Variants in SLC6A15 observed in about 807,000 individuals in gnomAD.
SLC6A15 encodes the protein solute carrier family 6 member 15, also known as sodium-dependent neutral amino acid transporter B(0)AT2.
SLC6A15 carries 33 observed loss-of-function variants against 68.5 expected under a neutral mutation model. The ratio of observed to expected loss-of-function variants is 0.48; its 90% CI spans 0.37 to 0.64. The LOEUF (loss-of-function observed/expected upper bound fraction) is 0.64. SLC6A15 is among the 30% of genes least tolerant of loss of function. The pLI is 0.00. For synonymous variants in SLC6A15, 347 were observed against 301.0 expected (o/e 1.15, Z -1.58); for missense variants, 747 against 874.3 (o/e 0.85, Z 1.84).
At chr12:84,908,260 TAA>T (rs1201695181) in intron 1 of SLC6A15, among the ~76,000 whole-genome samples, 1 of 152,104 alleles carries the variant, frequency 6.6e-6, no homozygotes, top group Non-Finnish European at 1.5e-5. Flanking sequence ...ATCTCAAAAT[TAA>T]GACTTTTTTT....
intron 1 of SLC6A15, among the ~76,000 whole-genome samples, chr12:84,906,417 T>C (rs1313590876): frequency 1.3e-5 from 2 of 152,174 alleles, no homozygotes; most frequent in Non-Finnish European, 2.9e-5. Context: ...AGTGACATTT[T>C]TCTACAAAGA....
intron 1 of SLC6A15, among the ~76,000 whole-genome samples, chr12:84,897,812 T>G (rs1415486775): frequency 6.6e-6 from 1 of 152,016 alleles, no homozygotes; most frequent in East Asian, 1.9e-4. Flanking sequence ...ATCATAAAAT[T>G]TAGCCAAACA....
chr12:84,909,800 C>T (rs1419203363), intron 1 of SLC6A15, among the ~76,000 whole-genome samples: 1 of 152,110 alleles, frequency 6.6e-6, no homozygotes, highest in Non-Finnish European at 1.5e-5. Flanking sequence ...TTTGGGTCTG[C>T]TATTCTAAGT....
At chr12:84,866,128 G>T (rs143233017) in intron 10 of SLC6A15, among the ~76,000 whole-genome samples, 42 of 152,234 alleles carry the variant, frequency 2.8e-4, no homozygotes, top group Non-Finnish European at 5.1e-4. Context: ...TCTTTATGCT[G>T]CTTAAAAGGA....
chr12:84,894,655 C>T (rs1872559440), intron 1 of SLC6A15, among the ~76,000 whole-genome samples: 1 of 152,034 alleles, frequency 6.6e-6, no homozygotes, highest in Non-Finnish European at 1.5e-5. Flanking sequence ...AAAAAATACA[C>T]ACACAAAAAT....
At chr12:84,908,445 C>CT (rs1420192689) in intron 1 of SLC6A15, among the ~76,000 whole-genome samples, 2 of 151,692 alleles carry the variant, frequency 1.3e-5, no homozygotes, top group African/African-American at 4.8e-5. Context: ...TACTCATTGA[C>CT]TTTTGTACCT....
chr12:84,908,508 T>C (rs1704849981), intron 1 of SLC6A15, among the ~76,000 whole-genome samples: 2 of 151,434 alleles, frequency 1.3e-5, no homozygotes. Flanking sequence ...AAGGTGTTTA[T>C]TTGCCTCTGT....
rs530182337 is a variant in SLC6A15, at chr12:84,894,472, T to C, written c.-188-2164A>G. On this transcript the variant is annotated intron_variant, in intron 1 of 11. Coordinates refer to ENST00000266682, the MANE Select transcript of SLC6A15 (RefSeq NM_182767.6). ...ACTTTGGTTTCTTATTCCTTTTGCT[T>C]TTTCCATACAGACAGAAAAGTAAGG... 1.3e-3 allele frequency among the ~76,000 whole-genome samples: 199 copies of C among 152,160 alleles called. 1 individual carries two copies. The highest frequency in any genetic ancestry group is 2.0e-3 in the Non-Finnish European group (138 of 67,942).
chr12:84,896,005 G>T (rs1872621419), intron 1 of SLC6A15, among the ~76,000 whole-genome samples: 1 of 152,182 alleles, frequency 6.6e-6, no homozygotes, highest in Non-Finnish European at 1.5e-5. Context: ...TGTCCAGGAA[G>T]AGAGATAGAG....
At chr12:84,896,264 C>T (rs1170353243) in intron 1 of SLC6A15, among the ~76,000 whole-genome samples, 1 of 151,898 alleles carries the variant, frequency 6.6e-6, no homozygotes, top group Non-Finnish European at 1.5e-5. Context: ...GCTCATGGGC[C>T]AAATACAACC....
intron 5 of SLC6A15, chr12:84,882,358 T>C (rs1871858946): frequency 1.0e-6 from 1 of 982,786 alleles, no homozygotes; most frequent in South Asian, 4.7e-5. Context: ...TTTAGTCATA[T>C]AATACAATAA....
At chr12:84,862,298 T>G (rs575207821) in intron 11 of SLC6A15, among the ~76,000 whole-genome samples, 130 of 152,264 alleles carry the variant, frequency 8.5e-4, no homozygotes, top group African/African-American at 2.9e-3. Context: ...TGAATGCAAC[T>G]GCTTGAGTTA....
intron 1 of SLC6A15, among the ~76,000 whole-genome samples, chr12:84,902,369 A>G (rs1161851268): frequency 6.6e-6 from 1 of 152,072 alleles, no homozygotes; most frequent in Non-Finnish European, 1.5e-5. Context: ...AATATTGGTG[A>G]GGACATGTAG....
At chr12:84,862,563 G>C (rs919187977) in intron 11 of SLC6A15, among the ~76,000 whole-genome samples, 1 of 152,022 alleles carries the variant, frequency 6.6e-6, no homozygotes, top group African/African-American at 2.4e-5. Flanking sequence ...ATAGTTAAAG[G>C]TCAGAAGTAT....
chr12:84,880,930 C>T, intron 5 of SLC6A15: 1 of 968,632 alleles, frequency 1.0e-6, no homozygotes, highest in Non-Finnish European at 1.2e-6. Flanking sequence ...CAGTTTTAGC[C>T]CTGTCTATCA....
chr12:84,883,151 GAAAAAA>G (rs60034973), intron 5 of SLC6A15: 3 of 886,908 alleles, frequency 3.4e-6, no homozygotes, highest in African/African-American at 4.1e-5. Context: ...CTGTGATAAT[GAAAAAA>G]AAAAAAAAAA....
intron 5 of SLC6A15, chr12:84,881,397 A>C (rs1276878379): frequency 3.2e-6 from 3 of 952,022 alleles, no homozygotes; most frequent in East Asian, 1.2e-4. Context: ...CACACAAAGC[A>C]GCCCTATTCT....
At chr12:84,870,421 A>G in intron 9 of SLC6A15, 57 bp downstream of exon 9, 1 of 1,270,180 alleles carries the variant, frequency 7.9e-7, no homozygotes, top group Non-Finnish European at 1.1e-6. Flanking sequence ...CTAATCTTTC[A>G]CCAAGAATAA....
intron 2 of SLC6A15, among the ~76,000 whole-genome samples, chr12:84,889,463 C>T (rs1872281923): frequency 6.6e-6 from 1 of 150,676 alleles, no homozygotes; most frequent in South Asian, 2.1e-4. Flanking sequence ...CACTGAACTC[C>T]AGGCTGGGCA....
Sources: allele counts gnomAD v4.1 joint callset (sites outside exome capture counted in the v4.1 genomes callset), GRCh38; gene constraint gnomAD v4.1.1; transcripts MANE v1.5; gene names NCBI Gene and HGNC (gene_info 2026-07-23, HGNC 2026-07-21).